Variants in RFC1 observed in about 807,000 individuals in gnomAD.
The protein encoded by RFC1 is replication factor C subunit 1, also known as A1 140 kDa subunit.
A neutral mutation model predicts 137.4 loss-of-function variants in RFC1; 37 were observed. The ratio of observed to expected loss-of-function variants is 0.27; its 90% CI spans 0.21 to 0.35. The LOEUF is 0.35. Ranked by LOEUF, RFC1 falls within the 10% of genes least tolerant of loss-of-function variation. The probability of loss-of-function intolerance (pLI) is 1.00; values close to 1 mark genes in which losing one functional copy is unlikely to be tolerated. For missense variants in RFC1, 1,205 were observed against 1,358.5 expected, an observed-to-expected ratio of 0.89 and a Z score of 1.78; for synonymous variants, 429 against 455.7, an observed-to-expected ratio of 0.94 and a Z score of 0.75.
chr4:39,365,326 G>T, intron 1 of RFC1: 1 of 278,140 alleles, frequency 3.6e-6, no homozygotes, highest in Non-Finnish European at 5.3e-6. Context: ...CCCCCCCCCA[G>T]AATGTTGTCA....
intron 23 of RFC1, among the ~76,000 whole-genome samples, 163 bp downstream of exon 23, chr4:39,291,476 C>T (rs889103541): frequency 6.6e-6 from 1 of 152,200 alleles, no homozygotes; most frequent in African/African-American, 2.4e-5. Context: ...ACTCTTAATA[C>T]TGCATTCAAA....
intron 9 of RFC1, among the ~76,000 whole-genome samples, chr4:39,317,387 A>AT (rs1184770961): frequency 6.6e-6 from 1 of 152,130 alleles, no homozygotes; most frequent in East Asian, 1.9e-4. Flanking sequence ...GGGAAAATAC[A>AT]TTTTTTCCCC....
chr4:39,299,387 G>A (rs868654158), intron 21 of RFC1, among the ~76,000 whole-genome samples: 6 of 151,902 alleles, frequency 3.9e-5, no homozygotes, highest in African/African-American at 7.3e-5. Flanking sequence ...CTCTAGTGCC[G>A]CTGGGTTAGG....
intron 6 of RFC1, among the ~76,000 whole-genome samples, chr4:39,324,757 A>C (rs951661107): frequency 9.2e-5 from 14 of 152,224 alleles, no homozygotes; most frequent in African/African-American, 3.4e-4. Context: ...CTTAGAGCCT[A>C]TACTTGCCAT....
At position 39,287,718 on chromosome 4, in the gene RFC1, C is replaced by G. The variant is rs1737448062; in HGVS notation, c.*1043G>C. The G allele has an allele frequency of 6.6e-6, 1 of 152,184 alleles. No homozygotes were observed. The highest frequency in any genetic ancestry group is 1.5e-5 in the Non-Finnish European group (1 of 68,046). 9.4% of individuals were successfully genotyped at this position (152,184 alleles called of 1,614,324 possible). Reference sequence around the variant, plus strand: ...CTAAATTCCAGGCTAGGTCCATAGCCTCACGGCCACTCAACACATACAGTT... The same window carrying G: ...CTAAATTCCAGGCTAGGTCCATAGCGTCACGGCCACTCAACACATACAGTT... On this transcript the variant is annotated 3_prime_UTR_variant, in exon 25 of 25. Transcript: ENST00000349703.
At chr4:39,312,967 C>T (rs953520212) in intron 10 of RFC1, 36 bp from the exon 11 acceptor site, 5 of 1,508,098 alleles carry the variant, frequency 3.3e-6, no homozygotes, top group Admixed American at 1.9e-5. Flanking sequence ...GAGGAAATTA[C>T]ATGGTAGCTT....
At chr4:39,298,636 C>T (rs1430693805) in intron 21 of RFC1, among the ~76,000 whole-genome samples, 3 of 152,114 alleles carry the variant, frequency 2.0e-5, no homozygotes, top group African/African-American at 4.8e-5. Context: ...GCCCTAGCTG[C>T]ACTGCTTCTA....
chr4:39,320,715 A>C (rs771348596), intron 8 of RFC1, 46 bp from the exon 9 acceptor site: 1 of 1,500,390 alleles, frequency 6.7e-7, no homozygotes, highest in African/African-American at 1.4e-5. Context: ...GGAAAATGAT[A>C]ATCTATATCA....
At chr4:39,364,037 A>G (rs1380268390) in intron 1 of RFC1, among the ~76,000 whole-genome samples, 4 of 148,428 alleles carry the variant, frequency 2.7e-5, no homozygotes, top group Non-Finnish European at 1.5e-5. Flanking sequence ...CTATCATCAC[A>G]CCACTGCACT....
chr4:39,320,723 T>C, intron 8 of RFC1, 54 bp from the exon 9 acceptor site: 1 of 1,480,572 alleles, frequency 6.8e-7, no homozygotes. Flanking sequence ...ATAATCTATA[T>C]CAACTTTTCT....
chr4:39,338,496 G>A (rs1740463129), intron 4 of RFC1, among the ~76,000 whole-genome samples: 1 of 152,078 alleles, frequency 6.6e-6, no homozygotes, highest in African/African-American at 2.4e-5. Flanking sequence ...AAAGAAACAA[G>A]TGAAATTAAT....
intron 10 of RFC1, among the ~76,000 whole-genome samples, chr4:39,315,109 C>A (rs1361032594): frequency 1.3e-5 from 2 of 152,134 alleles, no homozygotes; most frequent in Non-Finnish European, 2.9e-5. Context: ...TTGCTGTCTC[C>A]ATTTTGTCTC....
At chr4:39,353,204 C>A (rs991620865) in intron 1 of RFC1, among the ~76,000 whole-genome samples, 1 of 151,880 alleles carries the variant, frequency 6.6e-6, no homozygotes, top group Admixed American at 6.6e-5. Context: ...AGTTCAAGAC[C>A]AGCCTGGTCA....
intron 11 of RFC1, 32 bp from the exon 12 acceptor site, chr4:39,311,581 G>T: frequency 6.5e-7 from 1 of 1,531,626 alleles, no homozygotes; most frequent in Non-Finnish European, 9.0e-7. Flanking sequence ...CATCAAAACT[G>T]CATCCTGCAT....
intron 3 of RFC1, among the ~76,000 whole-genome samples, chr4:39,343,886 C>G (rs960906781): frequency 7.9e-5 from 12 of 152,170 alleles, no homozygotes; most frequent in African/African-American, 2.6e-4. Flanking sequence ...CCGAGGCAGG[C>G]AAAATCACCT....
At chr4:39,354,782 C>T (rs1390683325) in intron 1 of RFC1, among the ~76,000 whole-genome samples, 2 of 134,850 alleles carry the variant, frequency 1.5e-5, no homozygotes, top group Non-Finnish European at 3.2e-5. Flanking sequence ...AAGCAACTAA[C>T]TTAAAAACAT....
In RFC1 at chr4:39,308,694, G is replaced by A. The variant is rs756312326; in HGVS notation, c.1827C>T (p.Asn609=). 5 of 1,614,058 alleles carry A rather than the reference G, an allele frequency of 3.1e-6. No individual in the cohort carries two copies. The Admixed American group carries it at 8.3e-5, about 27-fold the overall frequency. The change falls in exon 13 of 25, where the codon AAC becomes AAT. Residue 609 remains asparagine, a synonymous_variant. Coordinates refer to ENST00000349703, the MANE Select transcript of RFC1 (RefSeq NM_002913.5). ...IGQQGDQSCA[N]KLLRWLRNWQ... is the part of the protein sequence containing the mutation. ...AGTTTCGGAGCCAGCGTAGGAGTTT[G>A]TTGGCACAGCTCTGGTCACCTTGCT...
chr4:39,344,277 T>G lies in RFC1; in HGVS notation c.208+1124A>C, dbSNP rs17334742. ...ATGCAAAAAAATTCATGTTCCCTAT[T>G]TTAAAATTATGTTCAAAGAAAAGCC... On this transcript the variant is annotated intron_variant, in intron 3 of 24. Coordinates refer to ENST00000349703, the MANE Select transcript of RFC1 (RefSeq NM_002913.5). 2.0e-3 allele frequency among the ~76,000 whole-genome samples: 305 copies of G among 152,318 alleles called. 3 individuals are homozygous for G. The highest frequency in any genetic ancestry group is 0.018 in the Admixed American group (280 of 15,302).
rs1008196824 is a variant in RFC1, at chr4:39,302,138, G to A, written c.2535+140C>T. On this transcript the variant is annotated intron_variant, in intron 19 of 24. Transcript: ENST00000349703. ...ATTTGAATTAGAAACACTTTCAGCA[G>A]CTGTCTATACTTCCTACTATATATC... 1.4e-5 allele frequency: 7 copies of A among 492,352 alleles called. No homozygotes were observed. In the Admixed American group the frequency reaches 1.5e-4, roughly 10 times the overall value. The allele number at this position is 492,352 out of a possible 1,614,324, so 30.5% of individuals were successfully genotyped here.
Sources: gnomAD v4.1 joint callset for allele counts (sites outside exome capture counted in the v4.1 genomes callset) on GRCh38, gnomAD v4.1.1 for gene constraint, MANE v1.5 for transcripts, NCBI Gene and HGNC (gene_info 2026-07-23, HGNC 2026-07-21) for gene names.